The following FAM20C variants were observed in gnomAD, a reference collection of about 807,000 sequenced individuals.
FAM20C encodes the protein extracellular serine/threonine protein kinase FAM20C.
A neutral mutation model predicts 51.5 loss-of-function variants in FAM20C; 40 were observed. The observed-to-expected ratio is 0.78, with a 90% CI of 0.60 to 1.01. The LOEUF (loss-of-function observed/expected upper bound fraction) is 1.01. Among genes scored for constraint, FAM20C ranks in the 50% least tolerant of loss-of-function variants. The pLI is 0.00. For synonymous variants in FAM20C, 406 were observed against 380.6 expected (o/e 1.07, Z -0.78); for missense variants, 861 against 844.7 (o/e 1.02, Z -0.24).
intron 3 of FAM20C, among the ~76,000 whole-genome samples, chr7:237,841 A>ATGATGATGGTGATGG (rs1583323546): frequency 5.3e-3 from 2 of 376 alleles, no homozygotes; most frequent in East Asian, 0.05. Context: ...AGTGATAGTG[A>ATGATGATGGTGATGG]TGATGNNNNN....
rs1186340394 is a variant in FAM20C, at chr7:258,357, C to A, written c.1446-289C>A. On this transcript the variant is annotated intron_variant, in intron 8 of 9. Transcript: ENST00000313766. ...GGAGATGGGCAGGGTGGACCCACTGCCTGAGGTGCTGGAGATGGGCAGGGT... is the reference window on the plus strand; with the variant it reads ...GGAGATGGGCAGGGTGGACCCACTGACTGAGGTGCTGGAGATGGGCAGGGT... 3.0e-4 allele frequency among the ~76,000 whole-genome samples: 31 copies of A among 102,120 alleles called. 1 individual carries two copies. Among genetic ancestry groups the A allele is most frequent in the Non-Finnish European group, 5.1e-4 (23 of 44,882 alleles). 67.0% of individuals were successfully genotyped at this position (102,120 alleles called of 152,430 possible).
At chr7:193,848 G>C (rs1785717753) in intron 1 of FAM20C, 44 bp downstream of exon 1, 1 of 1,540,252 alleles carries the variant, frequency 6.5e-7, no homozygotes, top group South Asian at 1.2e-5. Flanking sequence ...GGAGCCGTGA[G>C]CCCAAGGCAT....
chr7:220,504 G>T (rs1468143441), intron 3 of FAM20C, among the ~76,000 whole-genome samples: 4 of 150,618 alleles, frequency 2.7e-5, no homozygotes, highest in African/African-American at 1.0e-4. Flanking sequence ...GGCAGAGACG[G>T]GCTTGGTGAA....
chr7:249,179 T>C (rs369067562), intron 5 of FAM20C, among the ~76,000 whole-genome samples: 58,932 of 151,880 alleles, frequency 0.39, 11,497 homozygotes, highest in Middle Eastern at 0.47. Flanking sequence ...CACTCGGACT[T>C]AAACACACTC....
At chr7:253,847 G>A (rs934352824) in intron 5 of FAM20C, among the ~76,000 whole-genome samples, 8 of 152,212 alleles carry the variant, frequency 5.3e-5, no homozygotes, top group African/African-American at 1.9e-4. Flanking sequence ...AGGCGAGGAC[G>A]GGAGGCTGTT....
At chr7:244,272 A>T (rs946622108) in intron 3 of FAM20C, among the ~76,000 whole-genome samples, 1 of 152,184 alleles carries the variant, frequency 6.6e-6, no homozygotes, top group Non-Finnish European at 1.5e-5. Context: ...GCTGAAAGTT[A>T]CTAAAATCTA....
rs138017154 is a variant in FAM20C, at chr7:246,148, A to C, written c.864-267A>C. 27,793 of 294,830 alleles carry C rather than the reference A, an allele frequency of 0.094. 3,677 individuals are homozygous for C. The highest frequency in any genetic ancestry group is 0.38 in the African/African-American group (14,807 of 39,062). The allele number at this position is 294,830 out of a possible 1,614,324, so 18.3% of individuals were successfully genotyped here. ...GCTGGGACCTCCGGCCTCCGTCGCA[A>C]GGGCCTGCGCTGCTCTGAGGGCCCG... On this transcript the variant is annotated intron_variant, in intron 3 of 9. Coordinates refer to ENST00000313766, the MANE Select transcript of FAM20C (RefSeq NM_020223.4).
chr7:256,403 G>C, intron 6 of FAM20C: 2 of 577,182 alleles, frequency 3.5e-6, no homozygotes, highest in South Asian at 2.1e-5. Context: ...TCCCCACAGA[G>C]ACTCTGCAAA....
intron 2 of FAM20C, among the ~76,000 whole-genome samples, chr7:196,420 C>T (rs1242107875): frequency 1.3e-5 from 2 of 152,168 alleles, no homozygotes; most frequent in Non-Finnish European, 2.9e-5. Context: ...AGCTTGTAGG[C>T]GATTGTTTGT....
At chr7:216,853 A>C (rs144208519) in intron 3 of FAM20C, among the ~76,000 whole-genome samples, 1,851 of 152,154 alleles carry the variant, frequency 0.012, 42 homozygotes, top group African/African-American at 0.042. Context: ...GTATTTCTAG[A>C]TGCAGAAACT....
Position 234,475 on chromosome 7 carries a change from C to T in FAM20C, c.864-11940C>T, listed in dbSNP as rs1408803926. Among the ~76,000 whole-genome samples the T allele has an allele frequency of 4.6e-5, 7 of 152,272 alleles. No homozygotes were observed. The East Asian group carries it at 1.2e-3, about 25-fold the overall frequency. ...GGTGGCTGGCCGAGGGCAGGGCCGGCGTGCCAGGACCGGGACTCCTCTGAG... is the reference window on the plus strand; with the variant it reads ...GGTGGCTGGCCGAGGGCAGGGCCGGTGTGCCAGGACCGGGACTCCTCTGAG... On this transcript the variant is annotated intron_variant, in intron 3 of 9. Coordinates refer to ENST00000313766, the MANE Select transcript of FAM20C (RefSeq NM_020223.4).
At chr7:210,608 G>A (rs1786665609) in intron 3 of FAM20C, among the ~76,000 whole-genome samples, 1 of 152,122 alleles carries the variant, frequency 6.6e-6, no homozygotes, top group South Asian at 2.1e-4. Context: ...ACCTGTGGGA[G>A]CATTTTTCAG....
chr7:254,096 G>A (rs573027112), intron 5 of FAM20C, among the ~76,000 whole-genome samples: 13 of 152,286 alleles, frequency 8.5e-5, no homozygotes, highest in East Asian at 3.9e-4. Context: ...GCAGGTGATC[G>A]GGGCGTTGGA....
At chr7:254,787 C>T (rs190825100) in intron 5 of FAM20C, among the ~76,000 whole-genome samples, 1 of 152,314 alleles carries the variant, frequency 6.6e-6, no homozygotes, top group East Asian at 1.9e-4. Flanking sequence ...CGACGAGCAG[C>T]GTCCCACCCC....
intron 5 of FAM20C, among the ~76,000 whole-genome samples, chr7:253,916 T>C (rs1788496750): frequency 6.6e-6 from 1 of 152,264 alleles, no homozygotes; most frequent in African/African-American, 2.4e-5. Flanking sequence ...ATTTTCCTCC[T>C]GAAATGGAGC....
At position 232,112 on chromosome 7, in the gene FAM20C, G is replaced by A. The variant is rs539806408; in HGVS notation, c.864-14303G>A. Among the ~76,000 whole-genome samples, 1,227 of 152,322 alleles carry A rather than the reference G, an allele frequency of 8.1e-3. 19 individuals are homozygous for A. The highest frequency in any genetic ancestry group is 0.028 in the African/African-American group (1,178 of 41,574). On this transcript the variant is annotated intron_variant, in intron 3 of 9. Transcript: ENST00000313766. Reference sequence around the variant, plus strand: ...AGACTGGACGCCCCTTTCCCTGCTCGGCCGCCGGCCCAGCTGGGTAGCAGC... The same window carrying A: ...AGACTGGACGCCCCTTTCCCTGCTCAGCCGCCGGCCCAGCTGGGTAGCAGC...
chr7:193,609 G>A lies in FAM20C; in HGVS notation c.410G>A (p.Arg137Gln), dbSNP rs1404527703. 2.0e-5 allele frequency: 30 copies of A among 1,533,464 alleles called. No homozygotes were observed. Among genetic ancestry groups the A allele is most frequent in the Non-Finnish European group, 2.5e-5 (28 of 1,140,578 alleles). 95.0% of individuals were successfully genotyped at this position (1,533,464 alleles called of 1,614,324 possible). ...CTAAGACCCCACGACCCCGCGCACC[G>A]GCCGCTGCTGCGAGACCCCGGCCCG... ...GALRPHDPAHRPLLRDPGPRR... is the reference protein window; with the variant it reads ...GALRPHDPAHQPLLRDPGPRR... Residue 137 changes from arginine (R) to glutamine (Q), a missense_variant, in exon 1 of 10, where the codon CGG becomes CAG. Arg to Gln is a conservative substitution (Grantham distance 43). Transcript: ENST00000313766.
intron 3 of FAM20C, among the ~76,000 whole-genome samples, chr7:222,645 G>C (rs1315692769): frequency 6.6e-6 from 1 of 152,124 alleles, no homozygotes; most frequent in Non-Finnish European, 1.5e-5. Context: ...GAAGTGAGGG[G>C]CCCTGAGGTG....
chr7:214,317 C>G (rs368362042), intron 3 of FAM20C, among the ~76,000 whole-genome samples: 1 of 151,616 alleles, frequency 6.6e-6, no homozygotes, highest in East Asian at 1.9e-4. Context: ...AAGAGTGAAA[C>G]TCGGTCTCAA....
Sources: allele counts gnomAD v4.1 joint callset (sites outside exome capture counted in the v4.1 genomes callset), GRCh38; gene constraint gnomAD v4.1.1; transcripts MANE v1.5; gene names NCBI Gene and HGNC (gene_info 2026-07-23, HGNC 2026-07-21).